TOGARAM2: variants seen among roughly 807,000 people sequenced by gnomAD.
TOGARAM2 encodes the protein TOG array regulator of axonemal microtubules 2.
In TOGARAM2, 85 loss-of-function variants were observed where a neutral mutation model predicts 93.3. The ratio of observed to expected loss-of-function variants is 0.91; its 90% CI spans 0.76 to 1.09. The LOEUF is 1.09. TOGARAM2 is among the 50% of genes least tolerant of loss of function. TOGARAM2 has a pLI of 0.00. For synonymous variants in TOGARAM2, 593 were observed against 552.8 expected (o/e 1.07, Z -1.02); for missense variants, 1,277 against 1,334.5 (o/e 0.96, Z 0.67).
intron 6 of TOGARAM2, among the ~76,000 whole-genome samples, chr2:29,010,588 T>A (rs12714253): frequency 0.82 from 123,920 of 151,842 alleles, 50,809 homozygotes; most frequent in Middle Eastern, 0.86. Context: ...CTGAGGCCAG[T>A]GTGTGGGATA....
intron 12 of TOGARAM2, among the ~76,000 whole-genome samples, chr2:29,023,587 A>G (rs6722125): frequency 0.036 from 5,554 of 152,208 alleles, 330 homozygotes; most frequent in African/African-American, 0.12. Context: ...GCAGGAGGCT[A>G]CATTTGTTCT....
In TOGARAM2 at chr2:29,003,670, C is replaced by A; in HGVS notation, c.818C>A (p.Ala273Asp). 1 of 1,544,408 alleles carries A rather than the reference C, an allele frequency of 6.5e-7. No individual in the cohort carries two copies. The highest frequency in any genetic ancestry group is 8.7e-7 in the Non-Finnish European group (1 of 1,147,026). The change falls in exon 6 of 20, where the codon GCC becomes GAC. Residue 273 changes from alanine (A) to aspartate (D), a missense_variant. Coordinates refer to ENST00000379558, the MANE Select transcript of TOGARAM2 (RefSeq NM_199280.4). ...PGQGVLTGLRAPRTRLARGSG... is the reference protein window; with the variant it reads ...PGQGVLTGLRDPRTRLARGSG... ...CAGGGAGTCCTCACAGGCCTGAGGG[C>A]CCCACGCACGCGGTAAGAGCTCCAA...
At position 29,035,543 on chromosome 2, in the gene TOGARAM2, G is replaced by T; in HGVS notation, c.2305G>T (p.Glu769Ter). 1 of 1,580,494 alleles carries T rather than the reference G, an allele frequency of 6.3e-7. No homozygotes were observed. Among genetic ancestry groups the T allele is most frequent in the East Asian group, 2.3e-5 (1 of 43,400 alleles). The change falls in exon 17 of 20, where the codon GAG (glutamate) becomes TAG (stop). Residue 769 changes from glutamate (E) to a stop codon, truncating the protein, a stop_gained. Coordinates refer to ENST00000379558, the MANE Select transcript of TOGARAM2 (RefSeq NM_199280.4). LOFTEE classifies it high-confidence loss of function. ...CGGGGAGATGGTGGAGCAGCTACGG[G>T]AGCTGACACGGCTGCTGGAGGCCAA... The part of the protein sequence containing the change: ...GRGEMVEQLR[E>*]LTRLLEAKDF...
intron 14 of TOGARAM2, among the ~76,000 whole-genome samples, chr2:29,030,470 A>G (rs948499236): frequency 1.3e-5 from 2 of 152,102 alleles, no homozygotes; most frequent in Admixed American, 1.3e-4. Flanking sequence ...CGAAAAAAAA[A>G]AGGACGTAGA....
At chr2:29,007,230 G>T (rs1470267411) in intron 6 of TOGARAM2, among the ~76,000 whole-genome samples, 1 of 152,128 alleles carries the variant, frequency 6.6e-6, no homozygotes, top group East Asian at 1.9e-4. Flanking sequence ...CCATCTTTCT[G>T]TTGGGCATCT....
chr2:29,036,756 G>A lies in TOGARAM2; in HGVS notation c.2634G>A (p.Leu878=). The A allele has an allele frequency of 3.1e-6, 5 of 1,611,774 alleles. No individual in the cohort carries two copies. Among genetic ancestry groups the A allele is most frequent in the Non-Finnish European group, 4.2e-6 (5 of 1,178,872 alleles). The change falls in exon 18 of 20, where the codon CTG becomes CTA. Residue 878 remains leucine (L), a splice_region_variant and synonymous_variant. Coordinates refer to ENST00000379558, the MANE Select transcript of TOGARAM2 (RefSeq NM_199280.4). ...TGCTGGATGCGATGGTTGAGAGCCT[G>A]GGTGAGTGTCCCACGTGGGCCTGTG... ...VAVLDAMVES[L]DNLCLLPALA...
chr2:28,957,498 C>T (rs1002840915), intron 1 of TOGARAM2, among the ~76,000 whole-genome samples: 4 of 152,110 alleles, frequency 2.6e-5, no homozygotes, highest in Admixed American at 6.6e-5. Context: ...GATTTCATTA[C>T]GGAATATTAT....
At chr2:28,978,337 C>G (rs888451180), upstream of TOGARAM2, among the ~76,000 whole-genome samples, 1 of 152,130 alleles carries the variant, frequency 6.6e-6, no homozygotes, top group East Asian at 1.9e-4. Context: ...GAGAAGACCC[C>G]TCAGTGAAGT....
intron 6 of TOGARAM2, among the ~76,000 whole-genome samples, chr2:29,007,495 C>G (rs1663954299): frequency 6.6e-6 from 1 of 152,168 alleles, no homozygotes; most frequent in Non-Finnish European, 1.5e-5. Flanking sequence ...AAAGCTCCAC[C>G]CCTTTCTTGC....
At chr2:29,022,354 G>A (rs1428367908) in intron 11 of TOGARAM2, 46 bp downstream of exon 11, 1 of 1,604,004 alleles carries the variant, frequency 6.2e-7, no homozygotes, top group African/African-American at 1.3e-5. Context: ...CCGGAAGCAG[G>A]GGCTGTTGCA....
intron 16 of TOGARAM2, 59 bp downstream of exon 16, chr2:29,033,622 G>T: frequency 6.5e-7 from 1 of 1,529,962 alleles, no homozygotes; most frequent in Non-Finnish European, 8.9e-7. Flanking sequence ...GAGGCATCCT[G>T]CTTGTCCATG....
chr2:29,003,210 A>G (rs1213798853), intron 5 of TOGARAM2, among the ~76,000 whole-genome samples: 4 of 152,208 alleles, frequency 2.6e-5, no homozygotes, highest in Admixed American at 6.5e-5. Context: ...TTGCACATCT[A>G]TGAAAATAGA....
chr2:28,984,550 TG>T (rs1672378222), intron 1 of TOGARAM2, among the ~76,000 whole-genome samples: 1 of 152,236 alleles, frequency 6.6e-6, no homozygotes, highest in South Asian at 2.1e-4. Context: ...TGAGTACATG[TG>T]CTTGTTTACA....
chr2:29,018,489 G>A (rs1283733210), intron 10 of TOGARAM2: 2 of 138,320 alleles, frequency 1.4e-5, no homozygotes, highest in Non-Finnish European at 3.1e-5. Flanking sequence ...TTTTTTTTTT[G>A]TATACTGGGC....
intron 6 of TOGARAM2, 49 bp from the exon 7 acceptor site, chr2:29,011,406 T>G (rs1295605450): frequency 1.3e-6 from 2 of 1,591,902 alleles, no homozygotes; most frequent in Non-Finnish European, 1.7e-6. Context: ...CAGCAGTGTC[T>G]CTGGCTGGCC....
chr2:28,975,154 T>C (rs1282865215), intron 1 of TOGARAM2, among the ~76,000 whole-genome samples: 1 of 152,076 alleles, frequency 6.6e-6, no homozygotes, highest in African/African-American at 2.4e-5. Context: ...TTGTGTCTTG[T>C]GTTTCTTTGC....
At chr2:29,005,694 GGA>G (rs1341524188) in intron 6 of TOGARAM2, among the ~76,000 whole-genome samples, 4 of 58,996 alleles carry the variant, frequency 6.8e-5, no homozygotes, top group African/African-American at 1.5e-4. Context: ...GTGCATGTGT[GGA>G]GTGCGTGCAT....
At position 29,028,935 on chromosome 2, in the gene TOGARAM2, C is replaced by T. The variant is rs539274830; in HGVS notation, c.2012+1924C>T. On this transcript the variant is annotated intron_variant, in intron 14 of 19. Transcript: ENST00000379558. ...TTTTGCTTACTCCTGCAAGAATGGC[C>T]ATAATCAAAAAACCAAAAAATAATA... Among the ~76,000 whole-genome samples, 8 of 152,220 alleles carry T rather than the reference C, an allele frequency of 5.3e-5. No individual in the cohort carries two copies. In the East Asian group the frequency reaches 1.5e-3, roughly 29 times the overall value.
chr2:29,036,626 CCCT>C lies in TOGARAM2; in HGVS notation c.2509_2511del (p.Leu837del), dbSNP rs1361509516. ...CTGGAGTCCTTCGCCAAGATGATCC[CCCT>C]CCTCAGAGAGAGCTTACACCCCATG... On this transcript the variant is annotated inframe_deletion, in exon 18 of 20. Coordinates refer to ENST00000379558, the MANE Select transcript of TOGARAM2 (RefSeq NM_199280.4). 6.2e-7 allele frequency: 1 copy of C among 1,613,856 alleles called. No homozygotes were observed. Among genetic ancestry groups the C allele is most frequent in the Middle Eastern group, 1.6e-4 (1 of 6,084 alleles).
Sources: allele counts gnomAD v4.1 joint callset (sites outside exome capture counted in the v4.1 genomes callset), GRCh38; gene constraint gnomAD v4.1.1; transcripts MANE v1.5; gene names NCBI Gene and HGNC (gene_info 2026-07-23, HGNC 2026-07-21).